Variants in PACRG observed in about 807,000 individuals in gnomAD.
PACRG encodes parkin coregulated gene protein.
A neutral mutation model predicts 29.7 loss-of-function variants in PACRG; 29 were observed. The observed-to-expected ratio is 0.98, with a 90% CI of 0.73 to 1.33. The LOEUF (loss-of-function observed/expected upper bound fraction) is 1.33. Ranked by LOEUF, PACRG falls within the 40% of genes most tolerant of loss-of-function variation. PACRG has a pLI of 0.00. For missense variants in PACRG, 279 were observed against 316.2 expected (o/e 0.88, Z 0.89); for synonymous variants, 116 against 118.7 (o/e 0.98, Z 0.15).
chr6:163,063,427 C>A (rs1419690910), intron 3 of PACRG, among the ~76,000 whole-genome samples: 3 of 152,156 alleles, frequency 2.0e-5, no homozygotes, highest in African/African-American at 7.2e-5. Flanking sequence ...GGAACCCCAC[C>A]CTCACTGGCT....
At chr6:162,792,894 A>G (rs1562602092) in intron 1 of PACRG, among the ~76,000 whole-genome samples, 1 of 152,100 alleles carries the variant, frequency 6.6e-6, no homozygotes, top group Non-Finnish European at 1.5e-5. Flanking sequence ...GCAAAATGAG[A>G]GGTGACCTAG....
chr6:162,735,642 T>G (rs1780107624), intron 1 of PACRG, among the ~76,000 whole-genome samples: 1 of 152,194 alleles, frequency 6.6e-6, no homozygotes, highest in African/African-American at 2.4e-5. Flanking sequence ...CTAAATGATA[T>G]GAGGCACTTG....
chr6:162,789,158 C>T lies in PACRG; in HGVS notation c.157-24989C>T, dbSNP rs1211716352. On this transcript the variant is annotated intron_variant, in intron 1 of 4. Transcript: ENST00000366888. The stretch of plus-strand genomic sequence containing the variant: ...GTAAAACTAAAGATATGTCAATTAT[C>T]TCCAAGAGATCTAAAAGAATGGAAA... 2.0e-5 allele frequency among the ~76,000 whole-genome samples: 3 copies of T among 152,106 alleles called. No homozygotes were observed. In the East Asian group the frequency reaches 5.8e-4, roughly 29 times the overall value.
intron 4 of PACRG, among the ~76,000 whole-genome samples, chr6:163,237,792 A>G (rs1441588607): frequency 1.3e-5 from 2 of 152,184 alleles, no homozygotes; most frequent in African/African-American, 2.4e-5. Context: ...GGCTCACACT[A>G]TTGAACTTAA....
intron 2 of PACRG, among the ~76,000 whole-genome samples, chr6:162,951,980 T>A (rs1799685571): frequency 6.6e-6 from 1 of 152,172 alleles, no homozygotes; most frequent in Admixed American, 6.5e-5. Context: ...CTGCTGAATC[T>A]TAGGAGAGAA....
At position 162,926,148 on chromosome 6, in the gene PACRG, TA is replaced by T. The variant is rs545002753; in HGVS notation, c.291+111869del. On this transcript the variant is annotated intron_variant, in intron 2 of 4. Coordinates refer to ENST00000366888, the MANE Select transcript of PACRG (RefSeq NM_001080379.2). ...GACTACAAGCCACTGCTCAAGAAAA[TA>T]AGAGAGGACACAAACAAATGCAAAT... 9.9e-5 allele frequency among the ~76,000 whole-genome samples: 15 copies of T among 151,928 alleles called. No homozygotes were observed. In the South Asian group the frequency reaches 3.1e-3, roughly 32 times the overall value.
chr6:162,796,420 A>G (rs1785385663), intron 1 of PACRG, among the ~76,000 whole-genome samples: 1 of 151,832 alleles, frequency 6.6e-6, no homozygotes, highest in Non-Finnish European at 1.5e-5. Flanking sequence ...CTGTGTGCTC[A>G]GTTTTCTTTG....
chr6:163,191,001 T>G (rs1488764991), intron 4 of PACRG: 4 of 453,826 alleles, frequency 8.8e-6, no homozygotes, highest in Admixed American at 2.4e-5. Context: ...AGAAATCCCT[T>G]ATTTAGCATT....
At position 162,790,842 on chromosome 6, in the gene PACRG, G is replaced by C. The variant is rs138647496; in HGVS notation, c.157-23305G>C. Among the ~76,000 whole-genome samples the C allele has an allele frequency of 3.3e-3, 499 of 152,272 alleles. 3 individuals carry two copies. Among genetic ancestry groups the C allele is most frequent in the African/African-American group, 0.012 (482 of 41,556 alleles). ...CTAAAGCCGGAAGATAACTGAATAAGTCTTTTAACTTACTTGCCACTTCTA... is the reference window on the plus strand; with the variant it reads ...CTAAAGCCGGAAGATAACTGAATAACTCTTTTAACTTACTTGCCACTTCTA... On this transcript the variant is annotated intron_variant, in intron 1 of 4. Coordinates refer to ENST00000366888, the MANE Select transcript of PACRG (RefSeq NM_001080379.2).
At chr6:163,077,289 G>T (rs1812635281) in intron 3 of PACRG, among the ~76,000 whole-genome samples, 1 of 152,100 alleles carries the variant, frequency 6.6e-6, no homozygotes, top group Non-Finnish European at 1.5e-5. Context: ...TAGGAGGAGA[G>T]GTGACCCTGG....
At chr6:163,309,417 C>T (rs966341402) in intron 4 of PACRG, among the ~76,000 whole-genome samples, 2 of 152,226 alleles carry the variant, frequency 1.3e-5, no homozygotes, top group Non-Finnish European at 2.9e-5. Flanking sequence ...GTATAATCGT[C>T]ATGTATTTGT....
chr6:163,232,010 T>G (rs1562329159), intron 4 of PACRG, among the ~76,000 whole-genome samples: 1 of 152,244 alleles, frequency 6.6e-6, no homozygotes, highest in Non-Finnish European at 1.5e-5. Flanking sequence ...GACAGATAAT[T>G]ATTTAGAACA....
At chr6:163,040,072 C>T (rs760199592) in intron 2 of PACRG, among the ~76,000 whole-genome samples, 4 of 152,200 alleles carry the variant, frequency 2.6e-5, no homozygotes, top group African/African-American at 7.2e-5. Context: ...AAAATAGTTT[C>T]GTGGGCTGGG....
At chr6:163,066,188 A>G (rs1811528017) in intron 3 of PACRG, among the ~76,000 whole-genome samples, 1 of 152,252 alleles carries the variant, frequency 6.6e-6, no homozygotes, top group Non-Finnish European at 1.5e-5. Context: ...ACGTCTGGAC[A>G]GGGGAAAAAG....
At position 162,853,525 on chromosome 6, in the gene PACRG, G is replaced by A. The variant is rs1330681141; in HGVS notation, c.291+39244G>A. ...TTTTTATCACAGCCTTAATAAGACA[G>A]AAAGAAATATGCATACAAAGCTATA... On this transcript the variant is annotated intron_variant, in intron 2 of 4. Transcript: ENST00000366888. This position sits in a 1 kb window ranked among gnomAD's most constrained non-coding sequence, Gnocchi z 4.7. Among the ~76,000 whole-genome samples the A allele has an allele frequency of 1.3e-5, 2 of 152,154 alleles. No individual in the cohort carries two copies. The highest frequency in any genetic ancestry group is 3.8e-4 in the East Asian group (2 of 5,196).
chr6:163,219,915 A>C, intron 4 of PACRG, among the ~76,000 whole-genome samples: 1 of 152,152 alleles, frequency 6.6e-6, no homozygotes, highest in African/African-American at 2.4e-5. Context: ...TTCCCCAAAG[A>C]GGCCTCCCCT....
At chr6:162,820,406 G>C (rs1787744320) in intron 2 of PACRG, among the ~76,000 whole-genome samples, 1 of 151,960 alleles carries the variant, frequency 6.6e-6, no homozygotes, top group South Asian at 2.1e-4. Context: ...TTCCTAGTAG[G>C]AAAAACAGTT....
chr6:162,811,240 T>G (rs1786840501), intron 1 of PACRG, among the ~76,000 whole-genome samples: 1 of 152,166 alleles, frequency 6.6e-6, no homozygotes, highest in African/African-American at 2.4e-5. Flanking sequence ...GGCCAACTTC[T>G]AGTAAGACAG....
chr6:163,123,686 C>T (rs1054511430), intron 4 of PACRG, among the ~76,000 whole-genome samples: 3 of 152,178 alleles, frequency 2.0e-5, no homozygotes, highest in Non-Finnish European at 2.9e-5. Context: ...TAGTAACCAG[C>T]GTTCTATTGT....
Sources: allele counts gnomAD v4.1 joint callset (sites outside exome capture counted in the v4.1 genomes callset), GRCh38; gene constraint gnomAD v4.1.1; non-coding constraint Gnocchi (gnomAD v3.1); transcripts MANE v1.5; gene names NCBI Gene and HGNC (gene_info 2026-07-23, HGNC 2026-07-21).